The following SYT9 variants were observed in gnomAD, a reference collection of about 807,000 sequenced individuals.
The protein encoded by SYT9 is synaptotagmin-9.
Under a neutral mutation model 48.4 loss-of-function variants are expected in SYT9, and 22 were observed. The ratio of observed to expected loss-of-function variants is 0.45; its 90% confidence interval spans 0.32 to 0.65. SYT9 has a LOEUF of 0.65. SYT9 is among the 30% of genes least tolerant of loss of function. The pLI, the probability that SYT9 is intolerant of heterozygous loss-of-function variation, is 0.03. For synonymous variants in SYT9, 265 were observed against 245.0 expected (o/e 1.08, Z -0.76); for missense variants, 577 against 622.0 (o/e 0.93, Z 0.77).
chr11:7,314,528 C>T (rs914630256), intron 3 of SYT9, among the ~76,000 whole-genome samples: 10 of 152,164 alleles, frequency 6.6e-5, no homozygotes, highest in African/African-American at 2.2e-4. Flanking sequence ...ACTAATCTAT[C>T]GACAGTCACA....
intron 3 of SYT9, among the ~76,000 whole-genome samples, chr11:7,317,477 G>A (rs2133958937): frequency 6.6e-6 from 1 of 152,266 alleles, no homozygotes; most frequent in African/African-American, 2.4e-5. Context: ...ATGTGACAGA[G>A]AGAGGGAGAG....
At chr11:7,279,083 A>G (rs113690235) in intron 1 of SYT9, among the ~76,000 whole-genome samples, 3 of 152,316 alleles carry the variant, frequency 2.0e-5, no homozygotes, top group African/African-American at 7.2e-5. Flanking sequence ...GGCAGGAGCA[A>G]TGCCAGCAGA....
chr11:7,367,334 G>A lies in SYT9; in HGVS notation c.1045-48708G>A, dbSNP rs546714331. 2.6e-5 allele frequency among the ~76,000 whole-genome samples: 4 copies of A among 151,134 alleles called. No individual in the cohort carries two copies. The South Asian group carries it at 8.4e-4, about 32-fold the overall frequency. On this transcript the variant is annotated intron_variant, in intron 3 of 6. Coordinates refer to ENST00000318881, the MANE Select transcript of SYT9 (RefSeq NM_175733.4). ...CTGACCTCGTGATCCGCCCTCCTCG[G>A]CCTCCCAGAGTGCTGGGATTAGAGG...
chr11:7,325,201 G>T (rs988585731), intron 3 of SYT9, among the ~76,000 whole-genome samples: 19 of 150,284 alleles, frequency 1.3e-4, no homozygotes, highest in African/African-American at 3.9e-4. Context: ...ATTACCTTGG[G>T]CAGTATGGCC....
chr11:7,455,106 A>G (rs564815770), intron 6 of SYT9, among the ~76,000 whole-genome samples: 19 of 152,144 alleles, frequency 1.2e-4, no homozygotes, highest in Non-Finnish European at 2.5e-4. Context: ...TAACATATCA[A>G]TAAAAGCCTC....
chr11:7,366,761 G>A (rs16925400), intron 3 of SYT9, among the ~76,000 whole-genome samples: 41,752 of 151,776 alleles, frequency 0.28, 6,778 homozygotes, highest in East Asian at 0.64. Flanking sequence ...ATAGAAATTT[G>A]GGGCCAAATG....
intron 3 of SYT9, among the ~76,000 whole-genome samples, chr11:7,390,298 T>C (rs1460896352): frequency 6.6e-6 from 1 of 152,198 alleles, no homozygotes; most frequent in Non-Finnish European, 1.5e-5. Context: ...GAAAAGGACA[T>C]GAACTCATCC....
At chr11:7,242,514 A>G (rs1847750002) in intron 1 of SYT9, among the ~76,000 whole-genome samples, 1 of 152,228 alleles carries the variant, frequency 6.6e-6, no homozygotes, top group Non-Finnish European at 1.5e-5. Flanking sequence ...TAATATATTT[A>G]GGGCATTTTT....
At chr11:7,394,036 G>A (rs144098805) in intron 3 of SYT9, among the ~76,000 whole-genome samples, 4,102 of 150,862 alleles carry the variant, frequency 0.027, 196 homozygotes, top group African/African-American at 0.093. Flanking sequence ...ATGTATAGAT[G>A]TGCCATGTTT....
In SYT9 at chr11:7,252,032, G is replaced by T; in HGVS notation, c.-155G>T. 1 of 869,868 alleles carries T rather than the reference G, an allele frequency of 1.1e-6. No individual in the cohort carries two copies. The highest frequency in any genetic ancestry group is 1.6e-6 in the Non-Finnish European group (1 of 637,550). 53.9% of individuals were successfully genotyped at this position (869,868 alleles called of 1,614,324 possible). A position where few individuals can be genotyped will look rare whatever the true frequency, so the allele number is the denominator to read the frequency against. On this transcript the variant is annotated 5_prime_UTR_variant, in exon 1 of 7. Coordinates refer to ENST00000318881, the MANE Select transcript of SYT9 (RefSeq NM_175733.4). This position sits in a 1 kb window ranked among gnomAD's most constrained non-coding sequence, Gnocchi z 6.3. The stretch of plus-strand genomic sequence containing the variant: ...ATGCAACCGGTGGGAGGCCGGGCCG[G>T]CTGGGTCTGGGGCTCGGGCTCAGGC...
At chr11:7,465,785 T>C (rs4590851) in intron 6 of SYT9, 124,208 of 184,740 alleles carry the variant, frequency 0.67, 42,711 homozygotes, top group African/African-American at 0.79. Context: ...CTCAGAATCA[T>C]GGCAGGAGGC....
chr11:7,383,549 G>A (rs1313933661), intron 3 of SYT9, among the ~76,000 whole-genome samples: 3 of 152,200 alleles, frequency 2.0e-5, no homozygotes, highest in Non-Finnish European at 4.4e-5. Context: ...CAGTCACTGG[G>A]GAGAGGTGGG....
intron 1 of SYT9, among the ~76,000 whole-genome samples, chr11:7,263,540 C>G (rs1255330945): frequency 6.6e-6 from 1 of 152,106 alleles, no homozygotes; most frequent in Non-Finnish European, 1.5e-5. Flanking sequence ...GGTTAGAAGT[C>G]AGAGAAATGT....
At chr11:7,266,414 C>T (rs1848182943) in intron 1 of SYT9, among the ~76,000 whole-genome samples, 1 of 151,708 alleles carries the variant, frequency 6.6e-6, no homozygotes, top group African/African-American at 2.4e-5. Context: ...TTTTTTTCTT[C>T]CAGATGCCTT....
intron 6 of SYT9, chr11:7,465,854 AC>A: frequency 5.9e-6 from 1 of 170,720 alleles, no homozygotes; most frequent in Non-Finnish European, 1.2e-5. Context: ...AAAAGCAGAA[AC>A]CCCTGATAAA....
intron 3 of SYT9, among the ~76,000 whole-genome samples, chr11:7,388,905 G>A (rs960380217): frequency 2.0e-5 from 3 of 152,092 alleles, no homozygotes; most frequent in African/African-American, 4.8e-5. Context: ...TTTGGTCTCC[G>A]GGTGAAAATG....
intron 3 of SYT9, among the ~76,000 whole-genome samples, chr11:7,335,492 G>T (rs1849617207): frequency 6.6e-6 from 1 of 151,974 alleles, no homozygotes; most frequent in Non-Finnish European, 1.5e-5. Flanking sequence ...GAAGGTTCCA[G>T]TGTTTGCTGT....
At chr11:7,350,044 C>T (rs951757907) in intron 3 of SYT9, among the ~76,000 whole-genome samples, 1 of 152,164 alleles carries the variant, frequency 6.6e-6, no homozygotes, top group Non-Finnish European at 1.5e-5. Flanking sequence ...GGGGGACCCA[C>T]CGAGGATGCC....
At chr11:7,371,891 A>G (rs1465267183) in intron 3 of SYT9, among the ~76,000 whole-genome samples, 2 of 152,046 alleles carry the variant, frequency 1.3e-5, no homozygotes, top group Non-Finnish European at 1.5e-5. Context: ...TTGTTTATCC[A>G]TTTCTTTGCT....
Sources: allele counts gnomAD v4.1 joint callset (sites outside exome capture counted in the v4.1 genomes callset), GRCh38; gene constraint gnomAD v4.1.1; non-coding constraint Gnocchi (gnomAD v3.1); transcripts MANE v1.5; gene names NCBI Gene and HGNC (gene_info 2026-07-23, HGNC 2026-07-21).